Variants in CEP104 observed in about 807,000 individuals in gnomAD.
CEP104 encodes the protein centrosomal protein of 104 kDa.
A neutral mutation model predicts 113.3 loss-of-function variants in CEP104; 84 were observed. The ratio of observed to expected loss-of-function variants is 0.74; its 90% confidence interval spans 0.62 to 0.89. The LOEUF is 0.89. Ranked by LOEUF, CEP104 falls within the 40% of genes least tolerant of loss-of-function variation. The probability of loss-of-function intolerance (pLI) is 0.00; values close to 1 mark genes in which losing one functional copy is unlikely to be tolerated. For synonymous variants in CEP104, 378 were observed against 421.7 expected (o/e 0.90, Z 1.27); for missense variants, 1,053 against 1,156.6 (o/e 0.91, Z 1.30).
chr1:3,816,177 A>G, intron 21 of CEP104, 103 bp downstream of exon 21: 1 of 972,500 alleles, frequency 1.0e-6, no homozygotes. Context: ...TTTGCTTTTA[A>G]AGGGATGGGG....
Position 3,823,335 on chromosome 1 carries a change from G to A in CEP104, c.2503+89C>T, listed in dbSNP as rs961931809. The A allele has an allele frequency of 6.2e-7, 1 of 1,609,794 alleles. No homozygotes were observed. The highest frequency in any genetic ancestry group is 1.3e-5 in the African/African-American group (1 of 74,854). ...CCGCAGGTGCCCTTTAATTCACCAA[G>A]CCCTTGCACAGGCTCAAGAGCAGTG... On this transcript the variant is annotated intron_variant, in intron 19 of 21. Transcript: ENST00000378230. The surrounding 1 kb of genome is among the most constrained non-coding windows in gnomAD (Gnocchi z 4.1).
At chr1:3,848,364 C>T (rs1644546897) in intron 3 of CEP104, among the ~76,000 whole-genome samples, 1 of 151,800 alleles carries the variant, frequency 6.6e-6, no homozygotes, top group Non-Finnish European at 1.5e-5. Flanking sequence ...AACCCTGTCT[C>T]AACTAAAAAT....
In CEP104 at chr1:3,839,725, T is replaced by C. The variant is rs760668546; in HGVS notation, c.618A>G (p.Gln206=). 3 of 1,613,874 alleles carry C rather than the reference T, an allele frequency of 1.9e-6. No individual in the cohort carries two copies. The African/African-American group carries it at 4.0e-5, about 22-fold the overall frequency. ...GTATGATCTGTGCAACTTCTGGATC[T>C]TGGTACATATCAAAAGCTAAGTCAT... ...PLDDLAFDMY[Q]DPEVAQIIRK... Residue 206 remains glutamine (Q), a synonymous_variant, in exon 7 of 22, where the codon CAA becomes CAG. Transcript: ENST00000378230.
chr1:3,826,578 G>A, intron 16 of CEP104, 130 bp downstream of exon 16: 2 of 1,289,660 alleles, frequency 1.6e-6, no homozygotes, highest in African/African-American at 2.9e-5. Context: ...TGGCTGAGGT[G>A]CAGCAGGCGT....
chr1:3,829,672 G>A lies in CEP104; in HGVS notation c.2043+119C>T, dbSNP rs144590581. ...ACCTGTGTTCTTTCTTAGCCAGGACGCCGGGGCTTCCCATACATGTGGCTC... is the reference window on the plus strand; with the variant it reads ...ACCTGTGTTCTTTCTTAGCCAGGACACCGGGGCTTCCCATACATGTGGCTC... On this transcript the variant is annotated intron_variant, in intron 14 of 21. Transcript: ENST00000378230. The A allele has an allele frequency of 4.3e-3, 4,717 of 1,087,696 alleles. 12 individuals carry two copies. The highest frequency in any genetic ancestry group is 5.6e-3 in the Non-Finnish European group (4,056 of 725,960). 67.4% of individuals were successfully genotyped at this position (1,087,696 alleles called of 1,614,324 possible).
chr1:3,836,831 G>T, intron 9 of CEP104, 139 bp from the exon 10 acceptor site: 2 of 656,780 alleles, frequency 3.0e-6, no homozygotes, highest in Non-Finnish European at 5.2e-6. Flanking sequence ...AGTATCATCA[G>T]ATTAGAATAA....
At chr1:3,820,976 A>G (rs9424308) in intron 20 of CEP104, among the ~76,000 whole-genome samples, 101,085 of 152,238 alleles carry the variant, frequency 0.66, 34,910 homozygotes, top group African/African-American at 0.87. Flanking sequence ...TGCAGCTCAG[A>G]ACGGGAAGGG....
Position 3,829,263 on chromosome 1 carries a change from A to G in CEP104, c.2151+3T>C, listed in dbSNP as rs771237087. On this transcript the variant is annotated splice_donor_region_variant and intron_variant, in intron 15 of 21. Transcript: ENST00000378230. Reference sequence around the variant, plus strand: ...ACAGGTGAAAGACGTGTTAACTTCCAACCTGAACTTCAGCCTGAATTTCTT... The same window carrying G: ...ACAGGTGAAAGACGTGTTAACTTCCGACCTGAACTTCAGCCTGAATTTCTT... The G allele has an allele frequency of 1.3e-6, 2 of 1,576,818 alleles. No homozygotes were observed. The highest frequency in any genetic ancestry group is 1.7e-4 in the Middle Eastern group (1 of 5,878).
At chr1:3,832,286 TATTGTA>T (rs2124662112) in intron 12 of CEP104, among the ~76,000 whole-genome samples, 1 of 132,866 alleles carries the variant, frequency 7.5e-6, no homozygotes. Flanking sequence ...ACCAGGAGTG[TATTGTA>T]ACCAGGAGTG....
chr1:3,853,112 T>C (rs1401797112), intron 1 of CEP104, among the ~76,000 whole-genome samples: 2 of 152,312 alleles, frequency 1.3e-5, no homozygotes, highest in Admixed American at 6.5e-5. Flanking sequence ...TTTCTATTAG[T>C]TAGGAAACTA....
At position 3,823,610 on chromosome 1, in the gene CEP104, C is replaced by T. The variant is rs758515826; in HGVS notation, c.2365-48G>A. On this transcript the variant is annotated intron_variant, in intron 18 of 21. Transcript: ENST00000378230. This position sits in a 1 kb window ranked among gnomAD's most constrained non-coding sequence, Gnocchi z 4.1. ...AAGCATGTTGCTGAGAAAGCGGCAG[C>T]GCCCTCCAGCCAGCCTGCAGAGCCT... 1.1e-5 allele frequency: 18 copies of T among 1,611,628 alleles called. No individual in the cohort carries two copies. The highest frequency in any genetic ancestry group is 3.3e-5 in the Admixed American group (2 of 59,960).
chr1:3,826,071 G>A (rs548183721), intron 17 of CEP104, among the ~76,000 whole-genome samples: 13 of 152,250 alleles, frequency 8.5e-5, no homozygotes, highest in Non-Finnish European at 1.8e-4. Flanking sequence ...GGTGTGCCAT[G>A]TGTTAAAGCA....
At position 3,836,472 on chromosome 1, in the gene CEP104, T is replaced by TTG. The variant is rs1331004334; in HGVS notation, c.1317+22_1317+23insCA. ...TAGCCTCCCCTCTGCCACCCCGTTT[T>TTG]TTTTTTTTTTTTTTTTTTTTACCAA... is the stretch of plus-strand genomic sequence containing the variant. On this transcript the variant is annotated intron_variant, in intron 10 of 21. Transcript: ENST00000378230. 5.4e-6 allele frequency: 7 copies of TTG among 1,305,790 alleles called. No individual in the cohort carries two copies. In the East Asian group the frequency reaches 1.4e-4, roughly 26 times the overall value. The allele number at this position is 1,305,790 out of a possible 1,614,324, so 80.9% of individuals were successfully genotyped here. A position where few individuals can be genotyped will look rare whatever the true frequency, so the allele number is the denominator to read the frequency against.
intron 2 of CEP104, among the ~76,000 whole-genome samples, chr1:3,851,511 G>A (rs896289922): frequency 1.3e-5 from 2 of 152,108 alleles, no homozygotes; most frequent in African/African-American, 2.4e-5. Flanking sequence ...GGGATGGGGT[G>A]GAGGGTGGGT....
At chr1:3,822,539 T>C (rs1359866633) in intron 20 of CEP104, among the ~76,000 whole-genome samples, 1 of 152,208 alleles carries the variant, frequency 6.6e-6, no homozygotes, top group Non-Finnish European at 1.5e-5. Flanking sequence ...GGCTCAGCAT[T>C]CGCTGCCTGG....
rs572314680 is a variant in CEP104 at position 3,831,055 on chromosome 1, G to C, written c.1827C>G (p.Asn609Lys). Reference protein sequence around the residue: ...GTGSSGFTIDNVMKFSVSALE... With the variant: ...GTGSSGFTIDKVMKFSVSALE... Reference sequence around the variant, plus strand: ...CGCGAGGTCTGCTTACCTTCATCACGTTGTCAATGGTGAAGCCCGAGCTGC... The same window carrying C: ...CGCGAGGTCTGCTTACCTTCATCACCTTGTCAATGGTGAAGCCCGAGCTGC... Residue 609 changes from asparagine (N) to lysine (K), a missense_variant, in exon 13 of 22, where the codon AAC becomes AAG. By Grantham distance (94) the Asn-to-Lys change is moderately conservative. Transcript: ENST00000378230. 6.2e-7 allele frequency: 1 copy of C among 1,613,494 alleles called. No individual in the cohort carries two copies. The highest frequency in any genetic ancestry group is 8.5e-7 in the Non-Finnish European group (1 of 1,179,796).
chr1:3,816,566 A>C, intron 20 of CEP104, 196 bp from the exon 21 acceptor site: 1 of 507,036 alleles, frequency 2.0e-6, no homozygotes, highest in Non-Finnish European at 3.5e-6. Flanking sequence ...TGCAGGGTAC[A>C]ACTCAGGAAG....
rs750794560 is a variant in CEP104, at chr1:3,815,414, G to A, written c.2766C>T (p.Tyr922=). 113 of 1,611,570 alleles carry A rather than the reference G, an allele frequency of 7.0e-5. No individual in the cohort carries two copies. The Admixed American group carries it at 1.1e-3, about 16-fold the overall frequency. Residue 922 remains tyrosine (Y), a synonymous_variant, in exon 22 of 22, where the codon TAC becomes TAT. Coordinates refer to ENST00000378230, the MANE Select transcript of CEP104 (RefSeq NM_014704.4). ...GGLSKSSSRT[Y]AKR ...CCCGAGCGCCGCGTCAGCGCTTGGC[G>A]TACGTCCTGCTGGAGCTCTTGCTCA...
intron 21 of CEP104, chr1:3,816,063 T>A: frequency 1.9e-6 from 1 of 518,846 alleles, no homozygotes; most frequent in Non-Finnish European, 3.4e-6. Flanking sequence ...GCCTTCGCAC[T>A]GCACAGCCAG....
Sources: allele counts gnomAD v4.1 joint callset (sites outside exome capture counted in the v4.1 genomes callset), GRCh38; gene constraint gnomAD v4.1.1; non-coding constraint Gnocchi (gnomAD v3.1); transcripts MANE v1.5; gene names NCBI Gene and HGNC (gene_info 2026-07-23, HGNC 2026-07-21).